Variants in DROSHA observed in about 807,000 individuals in gnomAD.
The protein encoded by DROSHA is ribonuclease 3.
Under a neutral mutation model 181.9 loss-of-function variants are expected in DROSHA, and 56 were observed. The observed-to-expected ratio is 0.31, with a 90% CI of 0.25 to 0.38. DROSHA has a LOEUF of 0.38. Ranked by LOEUF, DROSHA falls within the 10% of genes least tolerant of loss-of-function variation. The pLI, the probability that DROSHA is intolerant of heterozygous loss-of-function variation, is 1.00. For missense variants in DROSHA, 1,218 were observed against 1,743.5 expected, an observed-to-expected ratio of 0.70 and a Z score of 5.37; for synonymous variants, 524 against 591.2, an observed-to-expected ratio of 0.89 and a Z score of 1.65.
chr5:31,435,885 ACATG>A, intron 24 of DROSHA, 21 bp from the exon 25 acceptor site: 1 of 1,602,228 alleles, frequency 6.2e-7, no homozygotes, highest in Non-Finnish European at 8.5e-7. Flanking sequence ...AAAAAGAAGT[ACATG>A]AATAAATATG....
At chr5:31,483,383 G>T (rs560026197) in intron 16 of DROSHA, among the ~76,000 whole-genome samples, 171 bp downstream of exon 16, 1 of 152,224 alleles carries the variant, frequency 6.6e-6, no homozygotes, top group South Asian at 2.1e-4. Context: ...CATAATTTAT[G>T]CAGGGATATA....
At chr5:31,439,014 C>G (rs985408320) in intron 23 of DROSHA, among the ~76,000 whole-genome samples, 1 of 152,078 alleles carries the variant, frequency 6.6e-6, no homozygotes, top group Non-Finnish European at 1.5e-5. Flanking sequence ...TGAGAACAGA[C>G]CACTAATTCA....
chr5:31,454,441 C>T (rs1747399003), intron 20 of DROSHA, among the ~76,000 whole-genome samples: 1 of 152,150 alleles, frequency 6.6e-6, no homozygotes. Context: ...TTTCTTTTAT[C>T]ACTGCAAAAA....
intron 30 of DROSHA, among the ~76,000 whole-genome samples, chr5:31,420,573 A>C (rs936205324): frequency 6.6e-6 from 1 of 152,188 alleles, no homozygotes; most frequent in Non-Finnish European, 1.5e-5. Context: ...ACTCCCTTTC[A>C]ACTCTGCCAT....
In DROSHA at chr5:31,470,461, A is replaced by ACC. The variant is rs72509621; in HGVS notation, c.2241+1600_2241+1601dup. On this transcript the variant is annotated intron_variant, in intron 17 of 35. Transcript: ENST00000344624. The surrounding 1 kb of genome is among the most constrained non-coding windows in gnomAD (Gnocchi z 4.0). ...TGCAAAAATAGTTGCGGTATGGCAGACCCCCGCAACTACTTTTGTGCCAGC... is the reference window on the plus strand; with the variant it reads ...TGCAAAAATAGTTGCGGTATGGCAGACCCCCCCGCAACTACTTTTGTGCCAGC... Among the ~76,000 whole-genome samples the ACC allele has an allele frequency of 0.019, 2,959 of 152,002 alleles. 121 individuals are homozygous for ACC. Among genetic ancestry groups the ACC allele is most frequent in the East Asian group, 0.17 (870 of 5,136 alleles).
chr5:31,431,707 G>A (rs760279301), intron 25 of DROSHA, 29 bp from the exon 26 acceptor site: 302 of 1,611,504 alleles, frequency 1.9e-4, no homozygotes, highest in Non-Finnish European at 2.4e-4. Context: ...CAAAACGTAA[G>A]AAAGAGTTTG....
intron 11 of DROSHA, among the ~76,000 whole-genome samples, chr5:31,501,984 G>A (rs1220328633): frequency 6.6e-6 from 1 of 152,232 alleles, no homozygotes; most frequent in African/African-American, 2.4e-5. Context: ...GCCTGCCGCA[G>A]CCACACAATT....
Position 31,435,868 on chromosome 5 carries a change from C to CAAA in DROSHA, c.2943-7_2943-5dup, listed in dbSNP as rs199971247. 2.4e-6 allele frequency: 3 copies of CAAA among 1,232,722 alleles called. No homozygotes were observed. The highest frequency in any genetic ancestry group is 2.2e-5 in the Admixed American group (1 of 44,828). 76.4% of individuals were successfully genotyped at this position (1,232,722 alleles called of 1,614,324 possible). A position where few individuals can be genotyped will look rare whatever the true frequency, so the allele number is the denominator to read the frequency against. On this transcript the variant is annotated splice_polypyrimidine_tract_variant and splice_region_variant and intron_variant, in intron 24 of 35. Transcript: ENST00000344624. ...AAACAAATAGTACAAATGGACGCTA[C>CAAA]AAAAAAAAAAAGAAGTACATGAATA... is the stretch of plus-strand genomic sequence containing the variant.
At chr5:31,524,729 G>C (rs1740322196) in intron 5 of DROSHA, among the ~76,000 whole-genome samples, 1 of 152,134 alleles carries the variant, frequency 6.6e-6, no homozygotes, top group South Asian at 2.1e-4. Flanking sequence ...GAGTATTTCT[G>C]TAAGCCCAGC....
In DROSHA at chr5:31,493,289, T is replaced by C; in HGVS notation, c.1760A>G (p.Asp587Gly). 6.3e-7 allele frequency: 1 copy of C among 1,597,038 alleles called. No individual in the cohort carries two copies. Among genetic ancestry groups the C allele is most frequent in the Non-Finnish European group, 8.5e-7 (1 of 1,172,656 alleles). Residue 587 changes from aspartate to glycine, a missense_variant, in exon 13 of 36, where the codon GAC (aspartate) becomes GGC (glycine). Physicochemically the swap from Asp to Gly is moderately conservative, Grantham distance 94. Around this residue, in one of 8 missense-constraint regions of DROSHA, gnomAD observed 460 missense variants for 774.2 expected, o/e 0.59. Transcript: ENST00000344624. ...TVSPPTNFLT[D>G]RPTVIEYDDH... is the part of the protein sequence containing the mutation. ...ATCGTATTCTATAACAGTTGGCCTG[T>C]CAGTCTAAAAGCAAACAGAAACACG...
At chr5:31,517,337 TC>T in intron 6 of DROSHA, among the ~76,000 whole-genome samples, 1 of 152,200 alleles carries the variant, frequency 6.6e-6, no homozygotes. Context: ...AATCTAGAGA[TC>T]TTTTTATGCT....
Position 31,470,258 on chromosome 5 carries a change from C to T in DROSHA, c.2241+1805G>A, listed in dbSNP as rs1051314094. Among the ~76,000 whole-genome samples the T allele has an allele frequency of 6.6e-6, 1 of 152,176 alleles. No homozygotes were observed. On this transcript the variant is annotated intron_variant, in intron 17 of 35. Transcript: ENST00000344624. This position sits in a 1 kb window ranked among gnomAD's most constrained non-coding sequence, Gnocchi z 4.0. ...CATGCCAATAATTTCTACAATTTCT[C>T]AATTCCTCAGAGATCTTACTGTTTA...
chr5:31,466,431 T>C, intron 18 of DROSHA, 150 bp from the exon 19 acceptor site: 1 of 662,852 alleles, frequency 1.5e-6, no homozygotes, highest in Non-Finnish European at 2.6e-6. Flanking sequence ...TAAGGAAGGC[T>C]ATGACTTTGA....
In DROSHA at chr5:31,453,398, C is replaced by T. The variant is rs112768676; in HGVS notation, c.2575-1758G>A. Among the ~76,000 whole-genome samples the T allele has an allele frequency of 5.3e-3, 813 of 152,168 alleles. 11 individuals carry two copies. Among genetic ancestry groups the T allele is most frequent in the African/African-American group, 0.018 (754 of 41,520 alleles). On this transcript the variant is annotated intron_variant, in intron 20 of 35. Transcript: ENST00000344624. ...GTGTTTTTTTGTAAAAATGAGGTTT[C>T]GCCATGTTGCCCAGGTTGGTCTTAA... is the stretch of plus-strand genomic sequence containing the variant.
At chr5:31,439,278 AATCC>A in intron 23 of DROSHA, among the ~76,000 whole-genome samples, 1 of 152,152 alleles carries the variant, frequency 6.6e-6, no homozygotes, top group Non-Finnish European at 1.5e-5. Context: ...CATATGGTAA[AATCC>A]TGTGCTGTCC....
chr5:31,427,569 C>T (rs1306758434), intron 27 of DROSHA, among the ~76,000 whole-genome samples: 2 of 152,200 alleles, frequency 1.3e-5, no homozygotes, highest in Non-Finnish European at 1.5e-5. Context: ...GATACTTAAT[C>T]GCCAAGCTGC....
chr5:31,419,145 G>A (rs1742327086), intron 30 of DROSHA, among the ~76,000 whole-genome samples: 1 of 152,140 alleles, frequency 6.6e-6, no homozygotes, highest in Non-Finnish European at 1.5e-5. Flanking sequence ...AAAGTGCACC[G>A]TGACAGAAGC....
chr5:31,529,696 C>T (rs1372231516), intron 3 of DROSHA, among the ~76,000 whole-genome samples: 4 of 148,020 alleles, frequency 2.7e-5, no homozygotes, highest in Non-Finnish European at 5.9e-5. Flanking sequence ...GATGGCGCCA[C>T]TGCATTCCAG....
chr5:31,436,771 C>T (rs1407261574), intron 24 of DROSHA, among the ~76,000 whole-genome samples: 1 of 151,306 alleles, frequency 6.6e-6, no homozygotes, highest in African/African-American at 2.4e-5. Context: ...CACACACACA[C>T]ACACACACAC....
Sources: gnomAD v4.1 joint callset for allele counts (sites outside exome capture counted in the v4.1 genomes callset) on GRCh38, gnomAD v4.1.1 for gene constraint, gnomAD v4.1.1 regional missense constraint, Gnocchi (gnomAD v3.1) non-coding constraint, MANE v1.5 for transcripts, NCBI Gene and HGNC (gene_info 2026-07-23, HGNC 2026-07-21) for gene names.